The following PCDHGB5 variants were observed in gnomAD, a reference collection of about 807,000 sequenced individuals.
PCDHGB5 encodes protocadherin gamma subfamily B, 5.
In PCDHGB5, 48 loss-of-function variants were observed where a neutral mutation model predicts 62.9. That is an observed-to-expected ratio of 0.76 (90% CI 0.61 to 0.97). The LOEUF is 0.97. PCDHGB5 is among the 50% of genes least tolerant of loss of function. The pLI, the probability that PCDHGB5 is intolerant of heterozygous loss-of-function variation, is 0.00. For missense variants in PCDHGB5, 1,118 were observed against 1,198.6 expected (o/e 0.93, Z 0.99); for synonymous variants, 474 against 511.2 (o/e 0.93, Z 0.98).
In PCDHGB5 at chr5:141,491,623, G is replaced by C; in HGVS notation, c.2398-3184G>C. On this transcript the variant is annotated intron_variant, in intron 1 of 3. Coordinates refer to ENST00000617380, the MANE Select transcript of PCDHGB5 (RefSeq NM_018925.3). The surrounding 1 kb of genome is among the most constrained non-coding windows in gnomAD (Gnocchi z 6.9). ...CTTCACTTTTCTAAGACCCCTCAGC[G>C]TTCAGCAGCCCACAGCTCTGGCGCT... 1 of 1,613,930 alleles carries C rather than the reference G, an allele frequency of 6.2e-7. No individual in the cohort carries two copies. Among genetic ancestry groups the C allele is most frequent in the Non-Finnish European group, 8.5e-7 (1 of 1,180,020 alleles).
At chr5:141,473,907 C>A (rs552055360) in intron 1 of PCDHGB5, among the ~76,000 whole-genome samples, 1 of 152,102 alleles carries the variant, frequency 6.6e-6, no homozygotes. Flanking sequence ...ATGAAGAGGT[C>A]TTAAGAAAAC....
At chr5:141,467,167 C>T (rs2099138606) in intron 1 of PCDHGB5, among the ~76,000 whole-genome samples, 1 of 151,832 alleles carries the variant, frequency 6.6e-6, no homozygotes, top group Non-Finnish European at 1.5e-5. Context: ...ATTCTCATCT[C>T]TCAGCCTCCC....
chr5:141,431,464 G>A lies in PCDHGB5; in HGVS notation c.2397+30940G>A. The A allele has an allele frequency of 1.9e-6, 3 of 1,613,782 alleles. No individual in the cohort carries two copies. Among genetic ancestry groups the A allele is most frequent in the Non-Finnish European group, 1.7e-6 (2 of 1,179,972 alleles). ...GCATCCGCGTGATGGTTCTGGATGC[G>A]AACGACAACGCACCAGCGTTTGCTC... On this transcript the variant is annotated intron_variant, in intron 1 of 3. Coordinates refer to ENST00000617380, the MANE Select transcript of PCDHGB5 (RefSeq NM_018925.3). This position sits in a 1 kb window ranked among gnomAD's most constrained non-coding sequence, Gnocchi z 4.8.
At chr5:141,414,788 C>T in intron 1 of PCDHGB5, 1 of 1,614,222 alleles carries the variant, frequency 6.2e-7, no homozygotes, top group Non-Finnish European at 8.5e-7. Flanking sequence ...CAGGTGACAG[C>T]CAGCGACAGC....
At chr5:141,468,597 T>C in intron 1 of PCDHGB5, 1 of 152,224 alleles carries the variant, frequency 6.6e-6, no homozygotes, top group East Asian at 1.9e-4. Context: ...CTGGGCGCGG[T>C]GGCTCACGCC....
At position 141,487,621 on chromosome 5, in the gene PCDHGB5, A is replaced by G; in HGVS notation, c.2398-7186A>G. The G allele has an allele frequency of 6.2e-7, 1 of 1,614,164 alleles. No individual in the cohort carries two copies. On this transcript the variant is annotated intron_variant, in intron 1 of 3. Transcript: ENST00000617380. This position sits in a 1 kb window ranked among gnomAD's most constrained non-coding sequence, Gnocchi z 5.0. ...ATCTTCTCTATGGGCTAGAGGTGAG[A>G]CCTTTGCAGGCTCAACAAATGCTTG... is the stretch of plus-strand genomic sequence containing the variant.
chr5:141,410,189 G>T, intron 1 of PCDHGB5: 1 of 1,613,992 alleles, frequency 6.2e-7, no homozygotes, highest in Non-Finnish European at 8.5e-7. Flanking sequence ...GCTTCATCTG[G>T]TCTTCGCAGA....
At chr5:141,415,614 G>A (rs1476229913) in intron 1 of PCDHGB5, 1 of 1,612,128 alleles carries the variant, frequency 6.2e-7, no homozygotes, top group Admixed American at 1.7e-5. Flanking sequence ...TGGTTCCAGT[G>A]AGTTTTATTT....
intron 2 of PCDHGB5, among the ~76,000 whole-genome samples, chr5:141,496,955 G>T (rs2099772887): frequency 6.6e-6 from 1 of 152,006 alleles, no homozygotes; most frequent in African/African-American, 2.4e-5. Context: ...GGAGGCCAAG[G>T]TGGGTAGATC....
intron 1 of PCDHGB5, chr5:141,427,811 C>T (rs1335555425): frequency 6.6e-7 from 1 of 1,523,180 alleles, no homozygotes; most frequent in Admixed American, 1.7e-5. Flanking sequence ...GCGCACAGAG[C>T]GGGGTGGTGG....
At position 141,477,898 on chromosome 5, in the gene PCDHGB5, A is replaced by C; in HGVS notation, c.2398-16909A>C. The C allele has an allele frequency of 6.2e-7, 1 of 1,614,158 alleles. No individual in the cohort carries two copies. Among genetic ancestry groups the C allele is most frequent in the East Asian group, 2.2e-5 (1 of 44,864 alleles). ...CTGGCCACCTAGTGTCACGGGTGGT[A>C]GGCTGGGACGCGGATGCAGGGCACA... On this transcript the variant is annotated intron_variant, in intron 1 of 3. Transcript: ENST00000617380. This position sits in a 1 kb window ranked among gnomAD's most constrained non-coding sequence, Gnocchi z 4.9.
In PCDHGB5 at chr5:141,494,886, C is replaced by T. The variant is rs1212594477; in HGVS notation, c.2456+21C>T. ...AGCGGGTAGGTGACTGATTCTCCAG[C>T]CCACCCTCTTCTCTGCGGCATTTTC... On this transcript the variant is annotated intron_variant, in intron 2 of 3. Coordinates refer to ENST00000617380, the MANE Select transcript of PCDHGB5 (RefSeq NM_018925.3). 8 of 1,614,010 alleles carry T rather than the reference C, an allele frequency of 5.0e-6. No homozygotes were observed. The Admixed American group carries it at 8.3e-5, about 17-fold the overall frequency.
chr5:141,500,173 T>G (rs1666567886), intron 2 of PCDHGB5, among the ~76,000 whole-genome samples: 1 of 149,340 alleles, frequency 6.7e-6, no homozygotes, highest in East Asian at 1.9e-4. Context: ...ATGCATGAGC[T>G]TCATTTTTAT....
chr5:141,460,470 A>T (rs2098990057), intron 1 of PCDHGB5, among the ~76,000 whole-genome samples: 1 of 152,110 alleles, frequency 6.6e-6, no homozygotes, highest in South Asian at 2.1e-4. Flanking sequence ...TTTCCAAAGG[A>T]ATATCCAATT....
intron 1 of PCDHGB5, chr5:141,423,752 G>T: frequency 6.2e-6 from 4 of 644,948 alleles, no homozygotes; most frequent in Non-Finnish European, 7.8e-6. Context: ...AAACTGTTTG[G>T]GGGGGGGGTG....
At chr5:141,452,281 T>C (rs948141174) in intron 1 of PCDHGB5, among the ~76,000 whole-genome samples, 1 of 152,232 alleles carries the variant, frequency 6.6e-6, no homozygotes, top group African/African-American at 2.4e-5. Flanking sequence ...CCTTTCTTAC[T>C]TTCTGATATA....
At chr5:141,454,092 T>C (rs552760379) in intron 1 of PCDHGB5, among the ~76,000 whole-genome samples, 2 of 152,316 alleles carry the variant, frequency 1.3e-5, no homozygotes, top group East Asian at 3.9e-4. Flanking sequence ...GAAATTTGAA[T>C]TGAACATAAA....
At chr5:141,500,618 C>A (rs554274946) in intron 2 of PCDHGB5, among the ~76,000 whole-genome samples, 27 of 152,260 alleles carry the variant, frequency 1.8e-4, no homozygotes, top group African/African-American at 6.5e-4. Context: ...CCCAGTCATA[C>A]GGTACATTTC....
Position 141,432,405 on chromosome 5 carries a change from GC to G in PCDHGB5, c.2397+31883del. On this transcript the variant is annotated intron_variant, in intron 1 of 3. Coordinates refer to ENST00000617380, the MANE Select transcript of PCDHGB5 (RefSeq NM_018925.3). This position sits in a 1 kb window ranked among gnomAD's most constrained non-coding sequence, Gnocchi z 6.0. ...CCCCTCAGCAGCAACGTGTCGTTGA[GC>G]CTGTTCGTGCTGGACCAGAACGACA... The G allele has an allele frequency of 6.2e-7, 1 of 1,614,246 alleles. No individual in the cohort carries two copies. Among genetic ancestry groups the G allele is most frequent in the South Asian group, 1.1e-5 (1 of 91,084 alleles).
Sources: gnomAD v4.1 joint callset for allele counts (sites outside exome capture counted in the v4.1 genomes callset) on GRCh38, gnomAD v4.1.1 for gene constraint, Gnocchi (gnomAD v3.1) non-coding constraint, MANE v1.5 for transcripts, NCBI Gene and HGNC (gene_info 2026-07-23, HGNC 2026-07-21) for gene names.